IL1RN: variants seen among roughly 807,000 people sequenced by gnomAD.
The protein encoded by IL1RN is interleukin 1 receptor antagonist.
A neutral mutation model predicts 13.7 loss-of-function variants in IL1RN; 10 were observed. That is an observed-to-expected ratio of 0.73 (90% CI 0.45 to 1.24). The LOEUF (loss-of-function observed/expected upper bound fraction) is 1.24, where lower values mean the gene tolerates loss of function less well. IL1RN is among the 50% of genes most tolerant of loss of function. The pLI, the probability that IL1RN is intolerant of heterozygous loss-of-function variation, is 0.00. For missense variants in IL1RN, 213 were observed against 222.1 expected (o/e 0.96, Z 0.26); for synonymous variants, 102 against 82.7 (o/e 1.23, Z -1.27).
intron 1 of IL1RN, among the ~76,000 whole-genome samples, chr2:113,128,140 C>T (rs1687032882): frequency 6.6e-6 from 1 of 152,246 alleles, no homozygotes; most frequent in African/African-American, 2.4e-5. Context: ...GGGTCCCACT[C>T]TCCAGGGACC....
At chr2:113,129,737 C>T in intron 2 of IL1RN, 73 bp downstream of exon 2, 3 of 952,642 alleles carry the variant, frequency 3.1e-6, no homozygotes, top group South Asian at 2.6e-5. Context: ...AGCAGCATGG[C>T]CTGCCTGCAC....
intron 3 of IL1RN, 43 bp from the exon 4 acceptor site, chr2:113,132,613 T>C (rs1451400763): frequency 6.4e-7 from 1 of 1,571,596 alleles, no homozygotes; most frequent in African/African-American, 1.4e-5. Flanking sequence ...AGCACAGGAC[T>C]TCCTAGGCCT....
chr2:113,126,839 C>T (rs1367393835), upstream of IL1RN, among the ~76,000 whole-genome samples: 2 of 152,214 alleles, frequency 1.3e-5, no homozygotes, highest in African/African-American at 4.8e-5. Context: ...AATTTAGACC[C>T]ATTCCTGTCC....
At chr2:113,116,365 A>C (rs1302164780), upstream of IL1RN, among the ~76,000 whole-genome samples, 2 of 152,220 alleles carry the variant, frequency 1.3e-5, no homozygotes, top group Admixed American at 1.3e-4. Flanking sequence ...ATTTCTCTAC[A>C]AAAGCTGCTT....
At chr2:113,102,356 C>T (rs1686327395), upstream of IL1RN, among the ~76,000 whole-genome samples, 1 of 152,178 alleles carries the variant, frequency 6.6e-6, no homozygotes, top group African/African-American at 2.4e-5. Flanking sequence ...TATTTAACCT[C>T]AATTACTTTC....
upstream of IL1RN, among the ~76,000 whole-genome samples, chr2:113,102,289 G>C (rs557588294): frequency 6.6e-6 from 1 of 152,250 alleles, no homozygotes; most frequent in African/African-American, 2.4e-5. Flanking sequence ...AGAGCTCTCT[G>C]GTGTCTCTAC....
chr2:113,104,407 A>G (rs546065115), upstream of IL1RN, among the ~76,000 whole-genome samples: 37 of 151,972 alleles, frequency 2.4e-4, no homozygotes, highest in Non-Finnish European at 4.6e-4. Flanking sequence ...CAGTGAGGGG[A>G]GGGATGAAAG....
intron 2 of IL1RN, chr2:113,120,205 G>A (rs1455307611): frequency 7.0e-6 from 7 of 1,002,134 alleles, no homozygotes; most frequent in African/African-American, 1.6e-5. Flanking sequence ...TTATGTAGTT[G>A]AAGGAAATTA....
chr2:113,120,169 G>A, intron 2 of IL1RN: 1 of 1,385,822 alleles, frequency 7.2e-7, no homozygotes, highest in Non-Finnish European at 1.0e-6. Flanking sequence ...ACAATTTTAG[G>A]CTACTAGATA....
the IL1RN span, among the ~76,000 whole-genome samples, chr2:113,099,819 C>A: frequency 1.4e-5 from 2 of 140,642 alleles, no homozygotes; most frequent in African/African-American, 5.2e-5. Context: ...ACTGCAAGCT[C>A]CGCCTCCCGG....
At chr2:113,132,049 G>A (rs1194762395) in intron 3 of IL1RN, among the ~76,000 whole-genome samples, 2 of 152,220 alleles carry the variant, frequency 1.3e-5, no homozygotes, top group African/African-American at 2.4e-5. Flanking sequence ...TCTGCTGATG[G>A]TGCCGTGTAT....
At chr2:113,118,085 C>T (rs1189325408) in intron 1 of IL1RN, 5 of 1,612,988 alleles carry the variant, frequency 3.1e-6, no homozygotes, top group African/African-American at 2.7e-5. Flanking sequence ...AAAATGTCTA[C>T]AATTGGTGTT....
upstream of IL1RN, chr2:113,127,445 C>T (rs1686999855): frequency 7.1e-7 from 1 of 1,399,192 alleles, no homozygotes; most frequent in East Asian, 2.7e-5. Context: ...CATTGCGACA[C>T]TTAGTGGGGT....
upstream of IL1RN, chr2:113,115,415 T>C (rs1201468253): frequency 1.3e-5 from 2 of 152,124 alleles, no homozygotes; most frequent in African/African-American, 2.4e-5. Flanking sequence ...GGGGTTCTAA[T>C]AACATTAAAC....
At position 113,132,751 on chromosome 2, in the gene IL1RN, T is replaced by G. The variant is rs146491054; in HGVS notation, c.414T>G (p.Ser138=). The change falls in exon 4 of 4, where the codon TCT becomes TCG. Residue 138 remains serine (S), a synonymous_variant. Coordinates refer to ENST00000409930, the MANE Select transcript of IL1RN (RefSeq NM_173842.3). ...GTGGCCCCACCACCAGTTTTGAGTC[T>G]GCCGCCTGCCCCGGTTGGTTCCTCT... The part of the protein sequence containing the change: ...SDSGPTTSFE[S]AACPGWFLCT... 1.2e-6 allele frequency: 2 copies of G among 1,614,146 alleles called. No homozygotes were observed. Among genetic ancestry groups the G allele is most frequent in the Middle Eastern group, 1.6e-4 (1 of 6,084 alleles).
chr2:113,124,871 A>T (rs1186292843), upstream of IL1RN, among the ~76,000 whole-genome samples: 1 of 152,176 alleles, frequency 6.6e-6, no homozygotes, highest in Admixed American at 6.5e-5. Context: ...GCCACTTCTC[A>T]GGACACAGCG....
upstream of IL1RN, among the ~76,000 whole-genome samples, chr2:113,106,786 T>G (rs779301946): frequency 7.9e-5 from 12 of 152,178 alleles, no homozygotes; most frequent in Non-Finnish European, 1.6e-4. Flanking sequence ...AAACCAGACT[T>G]ATCAGATTCA....
At chr2:113,105,869 C>G (rs1302016765), upstream of IL1RN, among the ~76,000 whole-genome samples, 2 of 151,968 alleles carry the variant, frequency 1.3e-5, no homozygotes, top group African/African-American at 4.8e-5. Flanking sequence ...TGTAATGTTC[C>G]CTGAAATGAA....
intron 1 of IL1RN, among the ~76,000 whole-genome samples, chr2:113,128,051 A>T (rs1288076174): frequency 6.6e-6 from 1 of 152,166 alleles, no homozygotes. Context: ...GCTGACAGAG[A>T]AGCAGAGAGG....
Sources: gnomAD v4.1 joint callset for allele counts (sites outside exome capture counted in the v4.1 genomes callset) on GRCh38, gnomAD v4.1.1 for gene constraint, MANE v1.5 for transcripts, NCBI Gene and HGNC (gene_info 2026-07-23, HGNC 2026-07-21) for gene names.